The following ERC2 variants were observed in gnomAD, a reference collection of about 807,000 sequenced individuals.
ERC2 encodes ERC protein 2.
A neutral mutation model predicts 114.8 loss-of-function variants in ERC2; 42 were observed. The observed-to-expected ratio is 0.37, with a 90% CI of 0.29 to 0.47. The LOEUF (loss-of-function observed/expected upper bound fraction) is 0.47. Ranked by LOEUF, ERC2 falls within the 20% of genes least tolerant of loss-of-function variation. The pLI is 0.99. For synonymous variants in ERC2, 454 were observed against 425.5 expected, an observed-to-expected ratio of 1.07 and a Z score of -0.82; for missense variants, 939 against 1,150.7, an observed-to-expected ratio of 0.82 and a Z score of 2.66.
At chr3:56,283,202 G>GTCCT (rs2054464110) in intron 3 of ERC2, among the ~76,000 whole-genome samples, 1 of 152,200 alleles carries the variant, frequency 6.6e-6, no homozygotes, top group Admixed American at 6.5e-5. Context: ...GCACCATTCT[G>GTCCT]TCCTTTAAAG....
chr3:55,545,311 C>T (rs2054667184), intron 17 of ERC2, among the ~76,000 whole-genome samples: 1 of 152,182 alleles, frequency 6.6e-6, no homozygotes, highest in Non-Finnish European at 1.5e-5. Flanking sequence ...TTCTAAGACG[C>T]AAATCCAATT....
chr3:55,898,753 A>G (rs1441652271), intron 13 of ERC2, among the ~76,000 whole-genome samples: 1 of 152,152 alleles, frequency 6.6e-6, no homozygotes, highest in Non-Finnish European at 1.5e-5. Flanking sequence ...GATGCATCAC[A>G]TTTTTCATCT....
chr3:56,143,194 G>A (rs552037914), intron 5 of ERC2, among the ~76,000 whole-genome samples: 1 of 152,322 alleles, frequency 6.6e-6, no homozygotes, highest in East Asian at 1.9e-4. Flanking sequence ...TTCATGTGGT[G>A]GTGGTAATAG....
At chr3:55,813,334 C>T (rs573251855) in intron 14 of ERC2, among the ~76,000 whole-genome samples, 3 of 152,286 alleles carry the variant, frequency 2.0e-5, no homozygotes, top group Non-Finnish European at 2.9e-5. Flanking sequence ...AGCCATATTG[C>T]AAGCACTCAG....
At chr3:55,984,717 T>A (rs980790943) in intron 12 of ERC2, among the ~76,000 whole-genome samples, 34 of 152,146 alleles carry the variant, frequency 2.2e-4, no homozygotes, top group African/African-American at 8.2e-4. Flanking sequence ...ATGCTTTTAA[T>A]CTCTGATCAG....
At chr3:55,996,651 CA>C (rs111441584) in intron 10 of ERC2, among the ~76,000 whole-genome samples, 12 of 152,218 alleles carry the variant, frequency 7.9e-5, no homozygotes, top group African/African-American at 2.6e-4. Context: ...AATGTCCCCG[CA>C]AATGGGAATA....
At chr3:55,777,381 G>A (rs2068706778) in intron 14 of ERC2, among the ~76,000 whole-genome samples, 1 of 152,180 alleles carries the variant, frequency 6.6e-6, no homozygotes, top group South Asian at 2.1e-4. Context: ...GGCTAAAGAT[G>A]GGTGTCCTTC....
At chr3:55,940,508 C>T (rs2066720728) in intron 13 of ERC2, among the ~76,000 whole-genome samples, 1 of 152,156 alleles carries the variant, frequency 6.6e-6, no homozygotes, top group South Asian at 2.1e-4. Context: ...CTTTCAAATA[C>T]TCTTCTGTCT....
intron 4 of ERC2, among the ~76,000 whole-genome samples, chr3:56,167,874 C>A (rs1311461748): frequency 1.3e-5 from 2 of 152,134 alleles, no homozygotes; most frequent in Admixed American, 1.3e-4. Flanking sequence ...CATGATAACA[C>A]ATGCATGTAA....
Position 55,734,825 on chromosome 3 carries a change from T to G in ERC2, c.2658A>C (p.Glu886Asp), listed in dbSNP as rs1413998298. 6.2e-7 allele frequency: 1 copy of G among 1,613,356 alleles called. No homozygotes were observed. Among genetic ancestry groups the G allele is most frequent in the Admixed American group, 1.7e-5 (1 of 59,930 alleles). Residue 886 changes from glutamate (E) to aspartate (D), a missense_variant, in exon 15 of 18, where the codon GAA becomes GAC. Coordinates refer to ENST00000288221, the MANE Select transcript of ERC2 (RefSeq NM_015576.3). ...SASKKKKTQE[E>D]VMALKREKDR... ...CTTTTTCCCGCTTGAGGGCCATGAC[T>G]TCTTCCTGCGTCTTTTTCTTTTTGG...
intron 7 of ERC2, among the ~76,000 whole-genome samples, chr3:56,023,977 T>TA (rs368776490): frequency 1.4e-3 from 208 of 152,344 alleles, no homozygotes; most frequent in African/African-American, 4.7e-3. Flanking sequence ...TAGGCATCGT[T>TA]ACAGTTTCAA....
chr3:55,559,537 A>T (rs1210246619), intron 17 of ERC2, among the ~76,000 whole-genome samples: 1 of 152,240 alleles, frequency 6.6e-6, no homozygotes, highest in African/African-American at 2.4e-5. Flanking sequence ...ATCAGACAAC[A>T]CATGTGTCCC....
chr3:56,265,279 G>C (rs1164474764), intron 3 of ERC2, among the ~76,000 whole-genome samples: 1 of 152,082 alleles, frequency 6.6e-6, no homozygotes, highest in Non-Finnish European at 1.5e-5. Context: ...AAAAAGAACA[G>C]AGAGTTCAGA....
chr3:55,540,095 G>C (rs1177921646), intron 17 of ERC2, among the ~76,000 whole-genome samples: 2 of 152,132 alleles, frequency 1.3e-5, no homozygotes, highest in Non-Finnish European at 2.9e-5. Context: ...GTTCTTGGGA[G>C]ATAAGGATCC....
intron 15 of ERC2, 134 bp downstream of exon 15, chr3:55,734,637 A>C: frequency 9.7e-7 from 1 of 1,035,528 alleles, no homozygotes; most frequent in Non-Finnish European, 1.4e-6. Context: ...AACTGGGTCC[A>C]TTGCACTCCT....
intron 14 of ERC2, among the ~76,000 whole-genome samples, chr3:55,763,140 ACT>A (rs1476908576): frequency 1.3e-5 from 2 of 152,268 alleles, no homozygotes; most frequent in Non-Finnish European, 2.9e-5. Flanking sequence ...ATAGGAAAGC[ACT>A]GGCAAATGCT....
At chr3:56,277,528 C>T (rs1006713855) in intron 3 of ERC2, among the ~76,000 whole-genome samples, 2 of 152,142 alleles carry the variant, frequency 1.3e-5, no homozygotes, top group African/African-American at 4.8e-5. Flanking sequence ...TACCTCCACC[C>T]TCCTCATTCT....
At chr3:56,288,414 C>T (rs371955229) in intron 3 of ERC2, among the ~76,000 whole-genome samples, 58 of 152,106 alleles carry the variant, frequency 3.8e-4, no homozygotes, top group African/African-American at 1.4e-3. Context: ...CTCCCCACAC[C>T]CCCAACCCTG....
chr3:55,602,624 T>TC (rs1304712195), intron 17 of ERC2, among the ~76,000 whole-genome samples: 24 of 152,130 alleles, frequency 1.6e-4, no homozygotes, highest in African/African-American at 4.3e-4. Context: ...CTGTGTAGCC[T>TC]CTGTGGGCAG....
Sources: allele counts gnomAD v4.1 joint callset (sites outside exome capture counted in the v4.1 genomes callset), GRCh38; gene constraint gnomAD v4.1.1; transcripts MANE v1.5; gene names NCBI Gene and HGNC (gene_info 2026-07-23, HGNC 2026-07-21).